The following METAP1D variants were observed in gnomAD, a reference collection of about 807,000 sequenced individuals.
METAP1D encodes methionine aminopeptidase 1D, mitochondrial.
Under a neutral mutation model 40.5 loss-of-function variants are expected in METAP1D, and 31 were observed. The observed-to-expected ratio is 0.77, with a 90% CI of 0.58 to 1.03. The LOEUF (loss-of-function observed/expected upper bound fraction) is 1.03. METAP1D is among the 50% of genes least tolerant of loss of function. The pLI, the probability that METAP1D is intolerant of heterozygous loss-of-function variation, is 0.00. For missense variants in METAP1D, 411 were observed against 420.7 expected (o/e 0.98, Z 0.20); for synonymous variants, 151 against 146.4 (o/e 1.03, Z -0.22).
At chr2:172,061,419 G>A in intron 1 of METAP1D, 79 bp from the exon 2 acceptor site, 1 of 1,270,476 alleles carries the variant, frequency 7.9e-7, no homozygotes, top group South Asian at 1.6e-5. Flanking sequence ...TGATTTAATA[G>A]ACAACACCAC....
intron 1 of METAP1D, among the ~76,000 whole-genome samples, chr2:172,010,081 C>A (rs1688675085): frequency 1.3e-5 from 2 of 151,180 alleles, no homozygotes; most frequent in Admixed American, 1.3e-4. Context: ...GTAGAAGGAG[C>A]TTGTGAAAAG....
intron 1 of METAP1D, among the ~76,000 whole-genome samples, chr2:172,033,749 C>T (rs1360573856): frequency 6.6e-6 from 1 of 151,678 alleles, no homozygotes; most frequent in East Asian, 1.9e-4. Flanking sequence ...TTGTTAATTT[C>T]TAAAGGTATA....
In METAP1D at chr2:172,035,152, T is replaced by TG. The variant is rs777181592; in HGVS notation, c.41-26346_41-26345insG. On this transcript the variant is annotated intron_variant, in intron 1 of 9. Coordinates refer to ENST00000315796, the MANE Select transcript of METAP1D (RefSeq NM_199227.3). ...CTATGTAACTACTGTACTGTGTTTTTTTTTTGTTTGTTTGTTTGTTTGTTT... is the reference window on the plus strand; with the variant it reads ...CTATGTAACTACTGTACTGTGTTTTTGTTTTTGTTTGTTTGTTTGTTTGTTT... Among the ~76,000 whole-genome samples, 768 of 117,252 alleles carry TG rather than the reference T, an allele frequency of 6.5e-3. 7 individuals carry two copies. Among genetic ancestry groups the TG allele is most frequent in the South Asian group, 0.045 (147 of 3,296 alleles). 76.9% of individuals were successfully genotyped at this position (117,252 alleles called of 152,430 possible).
chr2:172,059,789 G>A (rs769785653), intron 1 of METAP1D, among the ~76,000 whole-genome samples: 21 of 152,182 alleles, frequency 1.4e-4, no homozygotes, highest in East Asian at 1.2e-3. Flanking sequence ...CGGTGGCTAC[G>A]CCCGTAATCC....
intron 1 of METAP1D, among the ~76,000 whole-genome samples, chr2:172,040,217 A>C (rs1418705844): frequency 2.0e-5 from 3 of 147,396 alleles, no homozygotes; most frequent in Admixed American, 1.4e-4. Flanking sequence ...CAGCCTCCCA[A>C]AGTGCTGGGA....
chr2:172,072,454 G>A (rs1443675531), intron 6 of METAP1D: 1 of 167,128 alleles, frequency 6.0e-6, no homozygotes, highest in African/African-American at 2.4e-5. Flanking sequence ...CTCTCTGAGA[G>A]GTAATTATCC....
chr2:172,037,507 T>G (rs747340765), intron 1 of METAP1D, among the ~76,000 whole-genome samples: 8 of 152,224 alleles, frequency 5.3e-5, no homozygotes, highest in Non-Finnish European at 1.2e-4. Context: ...ATTTATCAAT[T>G]GCTACATGCC....
At position 172,045,799 on chromosome 2, in the gene METAP1D, G is replaced by A. The variant is rs1453956389; in HGVS notation, c.41-15699G>A. ...TATATGTGTATGTATATGTATATAT[G>A]TGTGTGTGTGTGTGTGTGTGTATAT... On this transcript the variant is annotated intron_variant, in intron 1 of 9. Coordinates refer to ENST00000315796, the MANE Select transcript of METAP1D (RefSeq NM_199227.3). 2.4e-3 allele frequency among the ~76,000 whole-genome samples: 26 copies of A among 10,824 alleles called. 1 individual carries two copies. Among genetic ancestry groups the A allele is most frequent in the African/African-American group, 7.9e-3 (25 of 3,156 alleles). 7.1% of individuals were successfully genotyped at this position (10,824 alleles called of 152,430 possible). A position where few individuals can be genotyped will look rare whatever the true frequency, so the allele number is the denominator to read the frequency against.
At chr2:172,076,765 A>G (rs1690555976) in intron 6 of METAP1D, among the ~76,000 whole-genome samples, 1 of 152,282 alleles carries the variant, frequency 6.6e-6, no homozygotes, top group Non-Finnish European at 1.5e-5. Flanking sequence ...AGTCTGTTAG[A>G]GACTCTAGTT....
At chr2:172,051,451 T>C (rs1689882129) in intron 1 of METAP1D, among the ~76,000 whole-genome samples, 2 of 152,232 alleles carry the variant, frequency 1.3e-5, no homozygotes, top group African/African-American at 4.8e-5. Flanking sequence ...CAGATTTAGC[T>C]TTTGTAAAGA....
At chr2:172,011,579 C>T (rs754729213) in intron 1 of METAP1D, among the ~76,000 whole-genome samples, 7 of 152,168 alleles carry the variant, frequency 4.6e-5, no homozygotes, top group African/African-American at 9.7e-5. Flanking sequence ...CCACCGCGCC[C>T]GGCCTAATCT....
chr2:172,039,798 T>TTAC (rs1689473772), intron 1 of METAP1D, among the ~76,000 whole-genome samples: 1 of 151,184 alleles, frequency 6.6e-6, no homozygotes, highest in Admixed American at 6.6e-5. Context: ...GCCTCCTGAG[T>TTAC]AGCTGGGATT....
At chr2:172,064,873 A>G (rs1476917412) in intron 3 of METAP1D, among the ~76,000 whole-genome samples, 1 of 152,170 alleles carries the variant, frequency 6.6e-6, no homozygotes, top group Admixed American at 6.5e-5. Flanking sequence ...ATTTTTAATA[A>G]AAGATTTTAT....
At chr2:172,055,387 A>G (rs537985403) in intron 1 of METAP1D, among the ~76,000 whole-genome samples, 2 of 152,370 alleles carry the variant, frequency 1.3e-5, no homozygotes, top group South Asian at 2.1e-4. Flanking sequence ...ATTGATCTAC[A>G]TTAGTTACTG....
intron 1 of METAP1D, 128 bp from the exon 2 acceptor site, chr2:172,061,370 G>A (rs1010333224): frequency 2.7e-6 from 2 of 733,854 alleles, no homozygotes; most frequent in African/African-American, 3.6e-5. Context: ...ATTTCTATTT[G>A]GGGCTTTTCC....
chr2:172,040,746 C>CTTTTT lies in METAP1D; in HGVS notation c.41-20738_41-20734dup, dbSNP rs782267064. ...ATTTGCTTTGATACATTCAGGCCCTCTTTTTTTTTTTTTTTTTTGAGATGG... is the reference window on the plus strand; with the variant it reads ...ATTTGCTTTGATACATTCAGGCCCTCTTTTTTTTTTTTTTTTTTTTTTTGAGATGG... On this transcript the variant is annotated intron_variant, in intron 1 of 9. Coordinates refer to ENST00000315796, the MANE Select transcript of METAP1D (RefSeq NM_199227.3). Among the ~76,000 whole-genome samples the CTTTTT allele has an allele frequency of 1.2e-3, 144 of 117,220 alleles. 4 individuals are homozygous for CTTTTT. In the East Asian group the frequency reaches 0.012, roughly 10 times the overall value. 76.9% of individuals were successfully genotyped at this position (117,220 alleles called of 152,430 possible). A position where few individuals can be genotyped will look rare whatever the true frequency, so the allele number is the denominator to read the frequency against.
At chr2:172,018,980 C>G (rs1229002140) in intron 1 of METAP1D, among the ~76,000 whole-genome samples, 1 of 152,218 alleles carries the variant, frequency 6.6e-6, no homozygotes, top group Non-Finnish European at 1.5e-5. Context: ...AAATCCCCCA[C>G]TCTTACATAG....
chr2:172,008,798 A>T (rs573974734), intron 1 of METAP1D, among the ~76,000 whole-genome samples: 16 of 152,142 alleles, frequency 1.1e-4, no homozygotes, highest in Non-Finnish European at 1.8e-4. Context: ...AAGCATTGTG[A>T]TGTAGTTTTA....
intron 5 of METAP1D, among the ~76,000 whole-genome samples, chr2:172,067,536 T>A (rs184435684): frequency 3.3e-5 from 5 of 152,354 alleles, no homozygotes; most frequent in African/African-American, 9.6e-5. Flanking sequence ...AGGAGGTATT[T>A]TATGAAGTAT....
Sources: gnomAD v4.1 joint callset for allele counts (sites outside exome capture counted in the v4.1 genomes callset) on GRCh38, gnomAD v4.1.1 for gene constraint, MANE v1.5 for transcripts, NCBI Gene and HGNC (gene_info 2026-07-23, HGNC 2026-07-21) for gene names.